The following NHSL1 variants were observed in gnomAD, a reference collection of about 807,000 sequenced individuals.
The protein encoded by NHSL1 is NHS like 1, also known as NHS-like protein 1.
Under a neutral mutation model 95.0 loss-of-function variants are expected in NHSL1, and 48 were observed. The observed-to-expected ratio is 0.51, with a 90% confidence interval of 0.40 to 0.64. The LOEUF is 0.64. Among genes scored for constraint, NHSL1 ranks in the 30% least tolerant of loss-of-function variants. The pLI is 0.00. For synonymous variants in NHSL1, 783 were observed against 833.9 expected, an observed-to-expected ratio of 0.94 and a Z score of 1.05; for missense variants, 1,971 against 2,077.7, an observed-to-expected ratio of 0.95 and a Z score of 1.00.
chr6:138,490,883 T>C (rs1583293619), intron 2 of NHSL1, among the ~76,000 whole-genome samples: 2 of 152,222 alleles, frequency 1.3e-5, no homozygotes, highest in Non-Finnish European at 2.9e-5. Flanking sequence ...CCGCCCGCCT[T>C]GGCCTCCCAA....
intron 1 of NHSL1, among the ~76,000 whole-genome samples, chr6:138,594,623 C>T (rs1184126292): frequency 2.6e-5 from 4 of 152,068 alleles, no homozygotes; most frequent in African/African-American, 9.7e-5. Context: ...ATAAGCAGCA[C>T]CGAGAGCTGA....
chr6:138,422,104 A>G lies in NHSL1; in HGVS notation c.*1977T>C, dbSNP rs1774957309. The G allele has an allele frequency of 6.6e-6, 1 of 152,268 alleles. No homozygotes were observed. Among genetic ancestry groups the G allele is most frequent in the Non-Finnish European group, 1.5e-5 (1 of 68,046 alleles). 9.4% of individuals were successfully genotyped at this position (152,268 alleles called of 1,614,324 possible). ...TACAAATGTATATTTTTCATTAAAAATGGGGATTTAAAAATAGTTTTATAA... is the reference window on the plus strand; with the variant it reads ...TACAAATGTATATTTTTCATTAAAAGTGGGGATTTAAAAATAGTTTTATAA... On this transcript the variant is annotated 3_prime_UTR_variant, in exon 8 of 8. Coordinates refer to ENST00000343505, the MANE Select transcript of NHSL1 (RefSeq NM_001144060.2).
chr6:138,517,216 C>T (rs1238937719), intron 1 of NHSL1, among the ~76,000 whole-genome samples: 1 of 152,200 alleles, frequency 6.6e-6, no homozygotes, highest in Non-Finnish European at 1.5e-5. Flanking sequence ...TCTGACTCTA[C>T]TTAGCCTCTG....
At chr6:138,527,845 G>A (rs1195808347) in intron 1 of NHSL1, among the ~76,000 whole-genome samples, 1 of 152,180 alleles carries the variant, frequency 6.6e-6, no homozygotes, top group Non-Finnish European at 1.5e-5. Flanking sequence ...TATGAGTTAG[G>A]GAATTACCAT....
chr6:138,676,010 G>A (rs1785444122), intron 1 of NHSL1, among the ~76,000 whole-genome samples: 1 of 152,092 alleles, frequency 6.6e-6, no homozygotes, highest in Admixed American at 6.6e-5. Flanking sequence ...ATCTCAACAG[G>A]TTTCTAAATT....
At chr6:138,554,074 A>C (rs1290476131) in intron 1 of NHSL1, among the ~76,000 whole-genome samples, 1 of 152,228 alleles carries the variant, frequency 6.6e-6, no homozygotes, top group East Asian at 1.9e-4. Context: ...TTCTTAGTAA[A>C]CTTATAAGGA....
chr6:138,447,388 T>C (rs907273936), intron 3 of NHSL1, among the ~76,000 whole-genome samples, 195 bp from the exon 4 acceptor site: 1 of 152,216 alleles, frequency 6.6e-6, no homozygotes, highest in African/African-American at 2.4e-5. Flanking sequence ...ACACCAGCCT[T>C]AGTCTGTAAA....
rs569713376 is a variant in NHSL1 at position 138,527,379 on chromosome 6, C to A, written c.16+18244G>T. 2.1e-4 allele frequency among the ~76,000 whole-genome samples: 32 copies of A among 152,108 alleles called. No individual in the cohort carries two copies. In the South Asian group the frequency reaches 6.4e-3, roughly 31 times the overall value. On this transcript the variant is annotated intron_variant, in intron 1 of 4. Transcript: ENST00000342260. ...AGAAGGAGGGCAAAAGTGCCCCCTG[C>A]CCCAAAAAATTTAAAAAAAAGTTTC...
At chr6:138,549,527 T>C (rs1465232721), upstream of NHSL1, among the ~76,000 whole-genome samples, 1 of 152,190 alleles carries the variant, frequency 6.6e-6, no homozygotes, top group African/African-American at 2.4e-5. Context: ...AATTCTCCCA[T>C]ACTGCCTCTG....
At chr6:138,617,453 C>A (rs1784595306) in intron 1 of NHSL1, among the ~76,000 whole-genome samples, 1 of 152,186 alleles carries the variant, frequency 6.6e-6, no homozygotes, top group Non-Finnish European at 1.5e-5. Context: ...ACTGTCTCTC[C>A]CCTTTCACCC....
intron 5 of NHSL1, 150 bp from the exon 6 acceptor site, chr6:138,433,830 G>A (rs1465210029): frequency 1.4e-5 from 16 of 1,177,770 alleles, no homozygotes; most frequent in Non-Finnish European, 2.2e-6. Flanking sequence ...CATTTAAAAA[G>A]TTACTGATAG....
intron 1 of NHSL1, among the ~76,000 whole-genome samples, chr6:138,553,201 C>T (rs1783074948): frequency 1.3e-5 from 2 of 152,156 alleles, no homozygotes; most frequent in African/African-American, 2.4e-5. Context: ...TGGATGTATC[C>T]CATTAAGTGA....
intron 1 of NHSL1, among the ~76,000 whole-genome samples, chr6:138,659,721 G>GTTTT (rs35077038): frequency 3.9e-5 from 5 of 128,676 alleles, no homozygotes; most frequent in African/African-American, 1.6e-4. Flanking sequence ...TTTTTTTTTT[G>GTTTT]TTTTTTTTTT....
At chr6:138,451,483 T>C (rs1274189643) in intron 3 of NHSL1, among the ~76,000 whole-genome samples, 2 of 152,230 alleles carry the variant, frequency 1.3e-5, no homozygotes, top group South Asian at 2.1e-4. Context: ...ATATATTGTC[T>C]CTCCGACAAG....
chr6:138,624,875 T>C (rs1784714519), intron 1 of NHSL1, among the ~76,000 whole-genome samples: 1 of 152,200 alleles, frequency 6.6e-6, no homozygotes, highest in Non-Finnish European at 1.5e-5. Flanking sequence ...TATACCTATC[T>C]CTACCGTTTT....
intron 1 of NHSL1, among the ~76,000 whole-genome samples, chr6:138,591,360 G>A (rs918748103): frequency 6.6e-6 from 1 of 152,136 alleles, no homozygotes; most frequent in Non-Finnish European, 1.5e-5. Flanking sequence ...GTTAACTGTG[G>A]TCTAAAACAT....
intron 1 of NHSL1, among the ~76,000 whole-genome samples, chr6:138,594,933 A>C (rs542317124): frequency 1.3e-5 from 2 of 152,292 alleles, no homozygotes; most frequent in South Asian, 2.1e-4. Context: ...GCTGGTTCAC[A>C]CGTGAGCCCA....
intron 1 of NHSL1, among the ~76,000 whole-genome samples, chr6:138,603,325 C>T (rs557155212): frequency 2.0e-5 from 3 of 152,224 alleles, no homozygotes; most frequent in South Asian, 4.1e-4. Context: ...GCTGGGATCA[C>T]AGGGATGAGC....
chr6:138,430,595 T>C lies in NHSL1; in HGVS notation c.3750A>G (p.Gln1250=), dbSNP rs1049594052. The part of the protein sequence containing the change: ...SREAKESSAA[Q]AGSHATHPGT... ...CAGGGTGCGTGGCATGAGAGCCAGC[T>C]TGGGCTGCAGAACTCTCTTTTGCCT... is the stretch of plus-strand genomic sequence containing the variant. Residue 1250 remains glutamine (Q), a synonymous_variant, in exon 6 of 8, where the codon CAA becomes CAG. Coordinates refer to ENST00000343505, the MANE Select transcript of NHSL1 (RefSeq NM_001144060.2). This position sits in a 1 kb window ranked among gnomAD's most constrained non-coding sequence, Gnocchi z 4.7. The C allele has an allele frequency of 3.2e-6, 5 of 1,550,222 alleles. No individual in the cohort carries two copies. In the Admixed American group the frequency reaches 5.9e-5, roughly 18 times the overall value.
Sources: allele counts gnomAD v4.1 joint callset (sites outside exome capture counted in the v4.1 genomes callset), GRCh38; gene constraint gnomAD v4.1.1; non-coding constraint Gnocchi (gnomAD v3.1); transcripts MANE v1.5; gene names NCBI Gene and HGNC (gene_info 2026-07-23, HGNC 2026-07-21).